KCNT2: variants seen among roughly 807,000 people sequenced by gnomAD.
The protein encoded by KCNT2 is potassium channel subfamily T member 2.
KCNT2 carries 67 observed loss-of-function variants against 153.8 expected under a neutral mutation model. The ratio of observed to expected loss-of-function variants is 0.44; its 90% CI spans 0.36 to 0.53. KCNT2 has a LOEUF of 0.53. Among genes scored for constraint, KCNT2 ranks in the 20% least tolerant of loss-of-function variants. The pLI is 0.00. For synonymous variants in KCNT2, 500 were observed against 458.8 expected, an observed-to-expected ratio of 1.09 and a Z score of -1.15; for missense variants, 975 against 1,354.8, an observed-to-expected ratio of 0.72 and a Z score of 4.40.
chr1:196,450,862 T>C (rs1676098866), intron 8 of KCNT2, among the ~76,000 whole-genome samples: 1 of 151,932 alleles, frequency 6.6e-6, no homozygotes, highest in South Asian at 2.1e-4. Context: ...AGCTCTGCAC[T>C]GACTCCTCCT....
At chr1:196,603,284 A>AT (rs1664960724) in intron 1 of KCNT2, among the ~76,000 whole-genome samples, 1 of 152,206 alleles carries the variant, frequency 6.6e-6, no homozygotes, top group African/African-American at 2.4e-5. Context: ...AAGAGTAAAA[A>AT]TAATGTGTCA....
At position 196,250,678 on chromosome 1, in the gene KCNT2, A is replaced by G. The variant is rs148423781; in HGVS notation, c.3211+7516T>C. On this transcript the variant is annotated intron_variant, in intron 26 of 27. Coordinates refer to ENST00000294725, the MANE Select transcript of KCNT2 (RefSeq NM_198503.5). Reference sequence around the variant, plus strand: ...AGCAAAGGAAACAAACAACAAAGTGAAGTTACAACCCACAATATGGGAGAA... The same window carrying G: ...AGCAAAGGAAACAAACAACAAAGTGGAGTTACAACCCACAATATGGGAGAA... Among the ~76,000 whole-genome samples, 409 of 152,276 alleles carry G rather than the reference A, an allele frequency of 2.7e-3. 2 individuals carry two copies. Among genetic ancestry groups the G allele is most frequent in the African/African-American group, 9.1e-3 (377 of 41,570 alleles).
intron 1 of KCNT2, among the ~76,000 whole-genome samples, chr1:196,599,205 C>T (rs1163720982): frequency 5.9e-5 from 9 of 152,218 alleles, no homozygotes. Context: ...TTAAACTAGA[C>T]ATCTGGACCC....
chr1:196,259,766 T>A (rs188754414), intron 25 of KCNT2: 2 of 151,912 alleles, frequency 1.3e-5, no homozygotes, highest in Admixed American at 1.3e-4. Flanking sequence ...CAGTACTATA[T>A]CAGAGGGATA....
intron 25 of KCNT2, among the ~76,000 whole-genome samples, chr1:196,276,880 C>A (rs1278047541): frequency 6.6e-6 from 1 of 152,088 alleles, no homozygotes; most frequent in Non-Finnish European, 1.5e-5. Flanking sequence ...GTCTCCTGCT[C>A]ATCTCTCTGA....
At chr1:196,599,873 T>C (rs1664516879) in intron 1 of KCNT2, among the ~76,000 whole-genome samples, 1 of 152,212 alleles carries the variant, frequency 6.6e-6, no homozygotes, top group Non-Finnish European at 1.5e-5. Context: ...TTTTTCTTTC[T>C]TTCAGGCAAC....
At chr1:196,379,520 C>T (rs540813084) in intron 13 of KCNT2, among the ~76,000 whole-genome samples, 1 of 150,106 alleles carries the variant, frequency 6.7e-6, no homozygotes, top group Admixed American at 6.7e-5. Flanking sequence ...TGCAGTGAGC[C>T]AAGACTGTGT....
intron 15 of KCNT2, among the ~76,000 whole-genome samples, chr1:196,341,244 A>G (rs1348572838): frequency 3.6e-4 from 54 of 152,044 alleles, no homozygotes; most frequent in Non-Finnish European, 4.4e-5. Flanking sequence ...TAACACTTAC[A>G]TTGCCTACAG....
intron 1 of KCNT2, among the ~76,000 whole-genome samples, chr1:196,531,833 G>A (rs565274469): frequency 6.6e-6 from 1 of 152,128 alleles, no homozygotes; most frequent in South Asian, 2.1e-4. Context: ...TAAAATGTCT[G>A]CTGGTAAAAG....
chr1:196,246,938 A>G (rs546604203), intron 26 of KCNT2, among the ~76,000 whole-genome samples: 1 of 152,276 alleles, frequency 6.6e-6, no homozygotes, highest in Admixed American at 6.5e-5. Context: ...TTACTTATCA[A>G]TGAAAACATT....
intron 22 of KCNT2, among the ~76,000 whole-genome samples, chr1:196,300,181 C>T (rs1436730175): frequency 1.3e-5 from 2 of 152,132 alleles, no homozygotes; most frequent in African/African-American, 4.8e-5. Context: ...TGAGAAGAAG[C>T]TTGAGTGGAA....
intron 5 of KCNT2, among the ~76,000 whole-genome samples, chr1:196,473,316 C>T (rs1678256263): frequency 6.6e-6 from 1 of 152,054 alleles, no homozygotes; most frequent in African/African-American, 2.4e-5. Context: ...ACATTTTTTT[C>T]CAGTTTGTAT....
chr1:196,474,825 A>G (rs1158032992), intron 5 of KCNT2, among the ~76,000 whole-genome samples: 1 of 152,212 alleles, frequency 6.6e-6, no homozygotes, highest in Non-Finnish European at 1.5e-5. Flanking sequence ...TGTTTTGCCA[A>G]CTAGCTATAA....
intron 8 of KCNT2, among the ~76,000 whole-genome samples, chr1:196,457,600 A>G (rs1676789540): frequency 6.6e-6 from 1 of 151,942 alleles, no homozygotes; most frequent in South Asian, 2.1e-4. Context: ...AAGGAAGTTA[A>G]TAAGAGGTGA....
chr1:196,302,730 CTT>C, intron 22 of KCNT2, among the ~76,000 whole-genome samples: 1 of 145,608 alleles, frequency 6.9e-6, no homozygotes, highest in African/African-American at 2.5e-5. Context: ...CCCAGCACAA[CTT>C]TTTTTTTTTT....
At chr1:196,489,806 A>AT (rs767250224) in intron 3 of KCNT2, 32 bp downstream of exon 3, 1 of 1,099,492 alleles carries the variant, frequency 9.1e-7, no homozygotes, top group Non-Finnish European at 1.4e-6. Flanking sequence ...AATCAAAATA[A>AT]TATTGTTGAA....
intron 13 of KCNT2, among the ~76,000 whole-genome samples, chr1:196,378,391 T>C (rs1431887618): frequency 6.6e-6 from 1 of 152,128 alleles, no homozygotes; most frequent in South Asian, 2.1e-4. Flanking sequence ...CAACTTTACA[T>C]TTTCCAGATA....
chr1:196,296,787 T>C (rs1400164395), intron 22 of KCNT2, among the ~76,000 whole-genome samples: 2 of 152,102 alleles, frequency 1.3e-5, no homozygotes, highest in Non-Finnish European at 2.9e-5. Context: ...CTATTTCAGT[T>C]CTCTCTGCCT....
intron 14 of KCNT2, among the ~76,000 whole-genome samples, chr1:196,366,487 T>A (rs192894369): frequency 1.4e-4 from 21 of 152,228 alleles, no homozygotes; most frequent in Admixed American, 1.3e-3. Flanking sequence ...GTTCCTCAAG[T>A]CATCAGATGT....
Sources: allele counts gnomAD v4.1 joint callset (sites outside exome capture counted in the v4.1 genomes callset), GRCh38; gene constraint gnomAD v4.1.1; transcripts MANE v1.5; gene names NCBI Gene and HGNC (gene_info 2026-07-23, HGNC 2026-07-21).